MAPRE3: variants seen among roughly 807,000 people sequenced by gnomAD.
MAPRE3 encodes microtubule associated protein RP/EB family member 3.
MAPRE3 carries 2 observed loss-of-function variants against 30.5 expected under a neutral mutation model. That is an observed-to-expected ratio of 0.07 (90% CI 0.03 to 0.21). MAPRE3 has a LOEUF of 0.21. Among genes scored for constraint, MAPRE3 ranks in the 10% least tolerant of loss-of-function variants. The pLI is 1.00. For missense variants in MAPRE3, 204 were observed against 351.8 expected (o/e 0.58, Z 3.36); for synonymous variants, 110 against 127.7 (o/e 0.86, Z 0.93).
chr2:26,999,488 C>CTTTTTTTTTTTTTTTT (rs531651199), intron 1 of MAPRE3, among the ~76,000 whole-genome samples: 3 of 79,004 alleles, frequency 3.8e-5, no homozygotes, highest in African/African-American at 5.3e-5. Context: ...TTCCTTCTTT[C>CTTTTTTTTTTTTTTTT]TTTTTTTTTT....
chr2:27,007,958 T>C (rs954389713), intron 1 of MAPRE3, among the ~76,000 whole-genome samples: 2 of 152,202 alleles, frequency 1.3e-5, no homozygotes, highest in Admixed American at 6.5e-5. Context: ...GTAGGGATGT[T>C]ACGAGGACTT....
At chr2:27,012,494 C>A (rs888666690) in intron 1 of MAPRE3, 4 of 152,214 alleles carry the variant, frequency 2.6e-5, no homozygotes, top group African/African-American at 9.7e-5. Context: ...CAAAGGCTTT[C>A]TGGAGCTGGA....
At chr2:26,973,283 G>C (rs1451732885) in intron 1 of MAPRE3, among the ~76,000 whole-genome samples, 1 of 152,220 alleles carries the variant, frequency 6.6e-6, no homozygotes, top group African/African-American at 2.4e-5. Flanking sequence ...CGTCCTGAGA[G>C]TGCATGCATT....
chr2:27,001,110 T>C (rs1274904874), intron 1 of MAPRE3, among the ~76,000 whole-genome samples: 2 of 152,262 alleles, frequency 1.3e-5, no homozygotes, highest in African/African-American at 4.8e-5. Context: ...GGTATATTTT[T>C]GTTCTGTAAT....
intron 1 of MAPRE3, among the ~76,000 whole-genome samples, chr2:26,998,476 A>T (rs1212305696): frequency 6.6e-6 from 1 of 152,222 alleles, no homozygotes; most frequent in African/African-American, 2.4e-5. Context: ...TTATAACCAG[A>T]TATCTAGTTT....
intron 1 of MAPRE3, among the ~76,000 whole-genome samples, chr2:26,997,732 ATGT>A (rs1666496267): frequency 6.6e-6 from 1 of 152,230 alleles, no homozygotes; most frequent in Non-Finnish European, 1.5e-5. Flanking sequence ...GGTAACTTAA[ATGT>A]TGTGTAGCAG....
chr2:26,997,351 T>A (rs919709693), intron 1 of MAPRE3, among the ~76,000 whole-genome samples: 21 of 151,796 alleles, frequency 1.4e-4, no homozygotes, highest in Non-Finnish European at 8.8e-5. Flanking sequence ...AAACATGGAG[T>A]TTTTTTGTGA....
Position 27,004,140 on chromosome 2 carries a change from G to C in MAPRE3, c.-7-18072G>C, listed in dbSNP as rs186927644. 6.3e-3 allele frequency among the ~76,000 whole-genome samples: 953 copies of C among 152,250 alleles called. 9 individuals are homozygous for C. Among genetic ancestry groups the C allele is most frequent in the African/African-American group, 0.022 (932 of 41,538 alleles). On this transcript the variant is annotated intron_variant, in intron 1 of 6. Coordinates refer to ENST00000233121, the MANE Select transcript of MAPRE3 (RefSeq NM_012326.4). ...CTGTAAGAAACTCAGGCAAAGAGAGGCCGCCTTTGCCCAGAGGATCTCTCA... is the reference window on the plus strand; with the variant it reads ...CTGTAAGAAACTCAGGCAAAGAGAGCCCGCCTTTGCCCAGAGGATCTCTCA...
intron 1 of MAPRE3, among the ~76,000 whole-genome samples, chr2:27,006,260 A>G (rs1465104379): frequency 6.6e-6 from 1 of 152,222 alleles, no homozygotes; most frequent in East Asian, 1.9e-4. Flanking sequence ...GCTATTAGAC[A>G]AGTAGGCTTT....
intron 3 of MAPRE3, chr2:27,023,773 AG>A: frequency 2.0e-6 from 1 of 504,898 alleles, no homozygotes; most frequent in East Asian, 3.6e-5. Flanking sequence ...CTGTCTCTGT[AG>A]GGCCCAAGAA....
Position 27,025,864 on chromosome 2 carries a change from C to A in MAPRE3, c.625-16C>A, listed in dbSNP as rs779396016. On this transcript the variant is annotated splice_polypyrimidine_tract_variant and intron_variant, in intron 5 of 6. Transcript: ENST00000233121. The stretch of plus-strand genomic sequence containing the variant: ...GTGGGGACCTCTGGCTTGAACATCA[C>A]TTTGTCCCCAAGCAGCTGGTGGACT... The A allele has an allele frequency of 6.2e-7, 1 of 1,614,114 alleles. No homozygotes were observed. Among genetic ancestry groups the A allele is most frequent in the South Asian group, 1.1e-5 (1 of 91,078 alleles).
intron 1 of MAPRE3, among the ~76,000 whole-genome samples, chr2:26,988,520 G>T (rs1404200204): frequency 6.6e-6 from 1 of 152,192 alleles, no homozygotes; most frequent in East Asian, 1.9e-4. Context: ...CCAGAAAGGA[G>T]ACTGAAGTTT....
chr2:26,991,049 T>G (rs372087146), intron 1 of MAPRE3, among the ~76,000 whole-genome samples: 4 of 152,104 alleles, frequency 2.6e-5, no homozygotes, highest in Non-Finnish European at 1.5e-5. Flanking sequence ...GTCTGCAGAT[T>G]GAGACCATCC....
chr2:27,018,502 A>AACCAGC, intron 1 of MAPRE3, among the ~76,000 whole-genome samples: 1 of 152,096 alleles, frequency 6.6e-6, no homozygotes, highest in Non-Finnish European at 1.5e-5. Flanking sequence ...TTTCTAGCAC[A>AACCAGC]CTTTGGGGCA....
intron 1 of MAPRE3, among the ~76,000 whole-genome samples, chr2:26,994,590 A>G (rs1240200496): frequency 6.6e-6 from 1 of 152,188 alleles, no homozygotes; most frequent in African/African-American, 2.4e-5. Flanking sequence ...TGCCATTACA[A>G]TCAGCTTCTA....
At chr2:26,976,453 G>T (rs1324687072) in intron 1 of MAPRE3, among the ~76,000 whole-genome samples, 1 of 152,186 alleles carries the variant, frequency 6.6e-6, no homozygotes, top group African/African-American at 2.4e-5. Context: ...ACAATTTCGT[G>T]TGACAGTTAG....
intron 1 of MAPRE3, among the ~76,000 whole-genome samples, chr2:27,020,398 T>C (rs1247202020): frequency 2.6e-5 from 4 of 152,352 alleles, no homozygotes; most frequent in African/African-American, 7.2e-5. Context: ...CAGAAACACA[T>C]GTCCTCACAA....
intron 1 of MAPRE3, among the ~76,000 whole-genome samples, chr2:26,994,360 G>A (rs12616092): frequency 0.56 from 85,450 of 151,938 alleles, 24,661 homozygotes; most frequent in East Asian, 0.76. Context: ...AGCAAATACA[G>A]TTGGAAGTTA....
At chr2:26,987,319 C>T (rs758979962) in intron 1 of MAPRE3, among the ~76,000 whole-genome samples, 1 of 152,082 alleles carries the variant, frequency 6.6e-6, no homozygotes, top group African/African-American at 2.4e-5. Flanking sequence ...TTAAAATTAT[C>T]CACTAGAAAA....
Sources: gnomAD v4.1 joint callset for allele counts (sites outside exome capture counted in the v4.1 genomes callset) on GRCh38, gnomAD v4.1.1 for gene constraint, MANE v1.5 for transcripts, NCBI Gene and HGNC (gene_info 2026-07-23, HGNC 2026-07-21) for gene names.